Variants in ARFIP1 observed in about 807,000 individuals in gnomAD.
The protein encoded by ARFIP1 is arfaptin-1.
ARFIP1 carries 24 observed loss-of-function variants against 42.5 expected under a neutral mutation model. The observed-to-expected ratio is 0.57, with a 90% CI of 0.41 to 0.80. The LOEUF (loss-of-function observed/expected upper bound fraction) is 0.80. Ranked by LOEUF, ARFIP1 falls within the 30% of genes least tolerant of loss-of-function variation. The pLI is 0.00. For synonymous variants in ARFIP1, 141 were observed against 153.7 expected (o/e 0.92, Z 0.61); for missense variants, 354 against 434.0 (o/e 0.82, Z 1.64).
chr4:152,796,771 C>A (rs1298143751), intron 1 of ARFIP1: 1 of 726,554 alleles, frequency 1.4e-6, no homozygotes, highest in South Asian at 1.4e-5. Context: ...CTTTCTCTTT[C>A]TCTCATGGTA....
At chr4:152,850,015 A>G (rs1007327006) in intron 2 of ARFIP1, among the ~76,000 whole-genome samples, 5 of 152,314 alleles carry the variant, frequency 3.3e-5, no homozygotes, top group African/African-American at 1.2e-4. Context: ...TTGTCCAACT[A>G]CAGATTCCCA....
At chr4:152,889,608 ATATATACATATATATACTATATAG>A (rs1736582524) in intron 8 of ARFIP1, among the ~76,000 whole-genome samples, 2 of 128,798 alleles carry the variant, frequency 1.6e-5, no homozygotes, top group Non-Finnish European at 3.2e-5. Context: ...TATATATACT[ATATATACATATATATACTATATAG>A]TATATATATG....
At chr4:152,791,958 G>C (rs1485741864) in intron 1 of ARFIP1, among the ~76,000 whole-genome samples, 2 of 152,006 alleles carry the variant, frequency 1.3e-5, no homozygotes, top group African/African-American at 4.8e-5. Flanking sequence ...TAATGGTAAA[G>C]AAAAAACTGA....
chr4:152,896,427 A>T (rs540084091), intron 8 of ARFIP1, among the ~76,000 whole-genome samples: 13 of 152,362 alleles, frequency 8.5e-5, no homozygotes, highest in African/African-American at 2.6e-4. Flanking sequence ...ATTTAAAAAA[A>T]TGAGAATGCT....
intron 1 of ARFIP1, among the ~76,000 whole-genome samples, chr4:152,802,844 A>G (rs1259234673): frequency 2.0e-5 from 3 of 152,210 alleles, no homozygotes; most frequent in Admixed American, 6.5e-5. Flanking sequence ...CTTATTTTCC[A>G]TATGGTATTA....
At chr4:152,812,729 C>A (rs1729568233) in intron 1 of ARFIP1, among the ~76,000 whole-genome samples, 1 of 152,172 alleles carries the variant, frequency 6.6e-6, no homozygotes, top group East Asian at 1.9e-4. Flanking sequence ...GCCAAATAAA[C>A]CTCTTGCTTT....
At chr4:152,783,660 G>A (rs79264307) in intron 1 of ARFIP1, among the ~76,000 whole-genome samples, 5,679 of 152,296 alleles carry the variant, frequency 0.037, 160 homozygotes, top group South Asian at 0.079. Context: ...TTTTTGAAAT[G>A]AGTTGGAGAT....
chr4:152,876,920 G>A (rs777001402), intron 5 of ARFIP1, among the ~76,000 whole-genome samples: 34 of 152,232 alleles, frequency 2.2e-4, no homozygotes, highest in Non-Finnish European at 3.8e-4. Context: ...GAGCCTGTGG[G>A]TGCACAGAAG....
chr4:152,845,193 G>A (rs974158097), intron 2 of ARFIP1, among the ~76,000 whole-genome samples: 17 of 152,066 alleles, frequency 1.1e-4, no homozygotes, highest in Admixed American at 6.5e-4. Context: ...ATCTTTCACC[G>A]TATATAAAAA....
intron 1 of ARFIP1, among the ~76,000 whole-genome samples, chr4:152,815,795 A>C (rs1038055069): frequency 8.2e-6 from 1 of 122,246 alleles, no homozygotes; most frequent in African/African-American, 3.2e-5. Flanking sequence ...CCCAGGCTGG[A>C]GTGCAGTGGA....
chr4:152,856,704 G>T (rs62319913), intron 2 of ARFIP1, among the ~76,000 whole-genome samples: 3,312 of 152,142 alleles, frequency 0.022, 56 homozygotes, highest in Non-Finnish European at 0.036. Flanking sequence ...AGATGTTAGG[G>T]TTTTCTTACA....
At chr4:152,795,677 A>C (rs189199080) in intron 1 of ARFIP1, among the ~76,000 whole-genome samples, 46 of 152,272 alleles carry the variant, frequency 3.0e-4, no homozygotes, top group East Asian at 2.7e-3. Flanking sequence ...TGTTTCCCTT[A>C]CATCCTCACT....
At chr4:152,792,162 C>T (rs1195841280) in intron 1 of ARFIP1, among the ~76,000 whole-genome samples, 1 of 152,148 alleles carries the variant, frequency 6.6e-6, no homozygotes, top group African/African-American at 2.4e-5. Flanking sequence ...TTTTTGCTCT[C>T]AGTGTTTTCT....
chr4:152,870,660 AT>A (rs1734801517), intron 3 of ARFIP1, 92 bp from the exon 4 acceptor site: 4 of 859,150 alleles, frequency 4.7e-6, no homozygotes, highest in African/African-American at 3.3e-5. Context: ...GTGTTTGAAT[AT>A]TTTAAAGGAA....
chr4:152,804,499 TAA>T (rs1491370886), intron 1 of ARFIP1, among the ~76,000 whole-genome samples: 2 of 126,060 alleles, frequency 1.6e-5, no homozygotes, highest in African/African-American at 6.0e-5. Flanking sequence ...TATATATATA[TAA>T]TATATATATA....
At chr4:152,888,553 A>G (rs1736461654) in intron 8 of ARFIP1, among the ~76,000 whole-genome samples, 1 of 152,172 alleles carries the variant, frequency 6.6e-6, no homozygotes, top group Admixed American at 6.6e-5. Context: ...ATGGACAGCC[A>G]TTGATCTTTG....
chr4:152,786,859 TTC>T (rs1265133173), intron 1 of ARFIP1, among the ~76,000 whole-genome samples: 1 of 152,246 alleles, frequency 6.6e-6, no homozygotes, highest in Non-Finnish European at 1.5e-5. Flanking sequence ...GTACATGCTT[TTC>T]TCTCTGTCTG....
At chr4:152,844,467 T>C (rs1732378969) in intron 2 of ARFIP1, among the ~76,000 whole-genome samples, 1 of 152,194 alleles carries the variant, frequency 6.6e-6, no homozygotes, top group Non-Finnish European at 1.5e-5. Flanking sequence ...CCTTTGTGAA[T>C]TGATTGATTG....
chr4:152,829,491 G>A, intron 1 of ARFIP1, 134 bp from the exon 2 acceptor site: 1 of 535,626 alleles, frequency 1.9e-6, no homozygotes, highest in Non-Finnish European at 3.3e-6. Context: ...TATGTATTCT[G>A]TTTATTATAC....
Sources: gnomAD v4.1 joint callset for allele counts (sites outside exome capture counted in the v4.1 genomes callset) on GRCh38, gnomAD v4.1.1 for gene constraint, MANE v1.5 for transcripts, NCBI Gene and HGNC (gene_info 2026-07-23, HGNC 2026-07-21) for gene names.